The following DYM variants were observed in gnomAD, a reference collection of about 807,000 sequenced individuals.
DYM encodes the protein dymeclin, also known as dyggve-Melchior-Clausen syndrome protein.
Under a neutral mutation model 93.1 loss-of-function variants are expected in DYM, and 78 were observed. The ratio of observed to expected loss-of-function variants is 0.84; its 90% CI spans 0.70 to 1.01. The LOEUF (loss-of-function observed/expected upper bound fraction) is 1.01. Ranked by LOEUF, DYM falls within the 50% of genes least tolerant of loss-of-function variation. The pLI, the probability that DYM is intolerant of heterozygous loss-of-function variation, is 0.00. For synonymous variants in DYM, 321 were observed against 319.7 expected, an observed-to-expected ratio of 1.00 and a Z score of -0.04; for missense variants, 789 against 845.0, an observed-to-expected ratio of 0.93 and a Z score of 0.82.
intron 14 of DYM, among the ~76,000 whole-genome samples, chr18:49,170,244 T>A (rs2088490480): frequency 1.3e-5 from 2 of 151,998 alleles, no homozygotes; most frequent in South Asian, 4.1e-4. Flanking sequence ...CACAGCTAAG[T>A]GGTGGAGTCA....
chr18:49,225,415 T>C (rs1049257731), intron 13 of DYM, among the ~76,000 whole-genome samples: 1 of 152,096 alleles, frequency 6.6e-6, no homozygotes, highest in Non-Finnish European at 1.5e-5. Flanking sequence ...TGGGAATCTC[T>C]AGTATGAAGG....
intron 17 of DYM, among the ~76,000 whole-genome samples, chr18:49,046,731 C>A (rs951191543): frequency 1.3e-5 from 2 of 152,116 alleles, no homozygotes; most frequent in Non-Finnish European, 2.9e-5. Context: ...AAGACCCTAT[C>A]TTTACAAAAA....
intron 15 of DYM, among the ~76,000 whole-genome samples, chr18:49,135,338 C>T (rs2083743258): frequency 6.6e-6 from 1 of 152,156 alleles, no homozygotes. Context: ...GCCAGATATA[C>T]AAGAGGAAAC....
intron 6 of DYM, among the ~76,000 whole-genome samples, chr18:49,362,176 T>C (rs1008920356): frequency 1.3e-5 from 2 of 152,030 alleles, no homozygotes; most frequent in Admixed American, 6.6e-5. Flanking sequence ...AATACTTTTT[T>C]TTAAAGGTGG....
rs932842845 is a variant in DYM, at chr18:49,118,822, G to A, written c.1833C>T (p.Ala611=). 2.5e-6 allele frequency: 4 copies of A among 1,614,070 alleles called. No individual in the cohort carries two copies. The highest frequency in any genetic ancestry group is 3.4e-6 in the Non-Finnish European group (4 of 1,179,994). ...CAAAGAGATCGCGTTTGTAAAGCAG[G>A]GCGTATACCAAGTTTGGGTTGTGGT... ...SLHHNPNLVY[A]LLYKRDLFEQ... The change falls in exon 16 of 18, where the codon GCC becomes GCT. Residue 611 remains alanine, a synonymous_variant. Coordinates refer to ENST00000675505, the MANE Select transcript of DYM (RefSeq NM_001353214.3).
intron 10 of DYM, among the ~76,000 whole-genome samples, chr18:49,277,237 T>C (rs1568155388): frequency 6.6e-6 from 1 of 152,110 alleles, no homozygotes; most frequent in African/African-American, 2.4e-5. Flanking sequence ...ATATGGCACA[T>C]ATAAATGGGA....
chr18:49,443,083 G>A (rs2081795228), intron 1 of DYM, among the ~76,000 whole-genome samples: 1 of 151,978 alleles, frequency 6.6e-6, no homozygotes, highest in Admixed American at 6.6e-5. Context: ...CCTGACCTCA[G>A]GTGATCTGCC....
At chr18:49,274,845 T>G (rs2094810904) in intron 10 of DYM, among the ~76,000 whole-genome samples, 1 of 152,150 alleles carries the variant, frequency 6.6e-6, no homozygotes. Context: ...CTTCTACTAT[T>G]GGGTTTAAAA....
At chr18:49,373,397 C>T (rs140616361) in intron 5 of DYM, among the ~76,000 whole-genome samples, 1,533 of 152,194 alleles carry the variant, frequency 0.01, 43 homozygotes, top group South Asian at 0.076. Flanking sequence ...TTATGCCTCC[C>T]CTTTTTAGAC....
chr18:49,402,455 C>G (rs2070965259), intron 2 of DYM, among the ~76,000 whole-genome samples: 1 of 152,170 alleles, frequency 6.6e-6, no homozygotes, highest in Non-Finnish European at 1.5e-5. Context: ...CAGCAATAAT[C>G]AGGTCTCCAC....
At chr18:49,458,796 G>A (rs1366858682) in intron 1 of DYM, among the ~76,000 whole-genome samples, 9 of 152,164 alleles carry the variant, frequency 5.9e-5, no homozygotes, top group Admixed American at 1.3e-4. Flanking sequence ...CCGGGATCAC[G>A]CCACTGTACT....
At chr18:49,355,386 G>T (rs978875075) in intron 6 of DYM, among the ~76,000 whole-genome samples, 1 of 114,786 alleles carries the variant, frequency 8.7e-6, no homozygotes. Context: ...ATGATACATA[G>T]ATAGATGATA....
At chr18:49,070,762 C>A (rs1396336404) in intron 17 of DYM, among the ~76,000 whole-genome samples, 2 of 152,090 alleles carry the variant, frequency 1.3e-5, no homozygotes, top group African/African-American at 2.4e-5. Context: ...AAATGAAAGA[C>A]AAGAAAATCT....
chr18:49,163,329 C>A (rs1464945648), intron 15 of DYM, among the ~76,000 whole-genome samples: 5 of 152,088 alleles, frequency 3.3e-5, no homozygotes, highest in African/African-American at 1.2e-4. Context: ...ATAAATTTTA[C>A]AATGAAATAA....
intron 17 of DYM, among the ~76,000 whole-genome samples, chr18:49,069,424 A>G (rs557540641): frequency 6.6e-6 from 1 of 152,336 alleles, no homozygotes; most frequent in South Asian, 2.1e-4. Flanking sequence ...TAGAGATGAT[A>G]CCAGCTCTAT....
intron 16 of DYM, among the ~76,000 whole-genome samples, chr18:49,099,883 G>C (rs2079959162): frequency 6.6e-6 from 1 of 152,190 alleles, no homozygotes. Context: ...TCCAGGAGGA[G>C]GGGGATGCCA....
intron 15 of DYM, among the ~76,000 whole-genome samples, chr18:49,145,108 C>CATATATATATATAT (rs56212722): frequency 0.031 from 575 of 18,658 alleles, 15 homozygotes; most frequent in Admixed American, 0.073. Context: ...CAAAAAAATT[C>CATATATATATATAT]ATATATATAT....
intron 15 of DYM, among the ~76,000 whole-genome samples, chr18:49,163,063 T>C (rs1197239074): frequency 6.6e-6 from 1 of 152,258 alleles, no homozygotes; most frequent in Non-Finnish European, 1.5e-5. Context: ...AATCTTTGCA[T>C]ACTTCCTATA....
intron 2 of DYM, among the ~76,000 whole-genome samples, chr18:49,400,327 A>G (rs959585151): frequency 6.6e-6 from 1 of 151,890 alleles, no homozygotes; most frequent in Non-Finnish European, 1.5e-5. Flanking sequence ...AAAGCTCCCC[A>G]CTGTGGTGAG....
Sources: gnomAD v4.1 joint callset for allele counts (sites outside exome capture counted in the v4.1 genomes callset) on GRCh38, gnomAD v4.1.1 for gene constraint, MANE v1.5 for transcripts, NCBI Gene and HGNC (gene_info 2026-07-23, HGNC 2026-07-21) for gene names.